The following KLF7 variants were observed in gnomAD, a reference collection of about 807,000 sequenced individuals.
KLF7 encodes Krueppel-like factor 7.
Under a neutral mutation model 27.3 loss-of-function variants are expected in KLF7, and 2 were observed. That is an observed-to-expected ratio of 0.07 (90% confidence interval 0.03 to 0.23). KLF7 has a LOEUF of 0.23. KLF7 is among the 10% of genes least tolerant of loss of function. The probability of loss-of-function intolerance (pLI) is 1.00; values close to 1 mark genes in which losing one functional copy is unlikely to be tolerated. For synonymous variants in KLF7, 165 were observed against 162.4 expected (o/e 1.02, Z -0.12); for missense variants, 221 against 394.1 (o/e 0.56, Z 3.72).
intron 2 of KLF7, among the ~76,000 whole-genome samples, chr2:207,100,258 G>T (rs954800202): frequency 6.6e-6 from 1 of 152,168 alleles, no homozygotes; most frequent in South Asian, 2.1e-4. Context: ...CTTTTTAGAG[G>T]CAAATTTCAA....
chr2:207,146,534 T>G (rs1337416015), intron 1 of KLF7, among the ~76,000 whole-genome samples: 1 of 152,150 alleles, frequency 6.6e-6, no homozygotes, highest in Non-Finnish European at 1.5e-5. Flanking sequence ...CTCTGGAATA[T>G]TCCCTTCTCT....
rs184295338 is a variant in KLF7 at position 207,148,984 on chromosome 2, G to A, written c.102+16483C>T. 4.8e-3 allele frequency: 5,414 copies of A among 1,138,824 alleles called. 14 individuals carry two copies. The highest frequency in any genetic ancestry group is 5.6e-3 in the Non-Finnish European group (5,136 of 911,644). 70.5% of individuals were successfully genotyped at this position (1,138,824 alleles called of 1,614,324 possible). On this transcript the variant is annotated intron_variant, in intron 1 of 3. Coordinates refer to ENST00000309446, the MANE Select transcript of KLF7 (RefSeq NM_003709.4). The stretch of plus-strand genomic sequence containing the variant: ...TATATGATATACCCAGTCATTACCT[G>A]TGTCATCTACTGTCCTTCCTTTTGT...
intron 1 of KLF7, among the ~76,000 whole-genome samples, chr2:207,134,617 A>C (rs1490516149): frequency 6.6e-6 from 1 of 152,118 alleles, no homozygotes; most frequent in East Asian, 1.9e-4. Context: ...AGATACTTGG[A>C]CTTGATTTCC....
chr2:207,118,301 ATAG>A (rs1412125680), intron 2 of KLF7, among the ~76,000 whole-genome samples: 8 of 152,316 alleles, frequency 5.3e-5, no homozygotes, highest in African/African-American at 1.7e-4. Context: ...CAACCATAAA[ATAG>A]TAGCTTTATC....
At position 207,079,763 on chromosome 2, in the gene KLF7, A is replaced by G. The variant is rs2076237431; in HGVS notation, c.*1450T>C. On this transcript the variant is annotated 3_prime_UTR_variant, in exon 4 of 4. Coordinates refer to ENST00000309446, the MANE Select transcript of KLF7 (RefSeq NM_003709.4). ...GGTGGGCCTAGCCAAAAAAAAAAGG[A>G]AAGAAAGAAACGTGTCTCTCCTTTT... 1 of 152,216 alleles carries G rather than the reference A, an allele frequency of 6.6e-6. No individual in the cohort carries two copies. Among genetic ancestry groups the G allele is most frequent in the East Asian group, 1.9e-4 (1 of 5,178 alleles). 9.4% of individuals were successfully genotyped at this position (152,216 alleles called of 1,614,324 possible).
chr2:207,153,244 A>G (rs1160324020), intron 1 of KLF7, among the ~76,000 whole-genome samples: 1 of 152,230 alleles, frequency 6.6e-6, no homozygotes, highest in African/African-American at 2.4e-5. Flanking sequence ...TGGTTCAGGT[A>G]TACTCAGTTC....
intron 1 of KLF7, among the ~76,000 whole-genome samples, chr2:207,127,732 A>G (rs1426557425): frequency 2.0e-5 from 3 of 151,880 alleles, no homozygotes; most frequent in African/African-American, 7.3e-5. Flanking sequence ...AATCCCAGCT[A>G]CTCGGGAGGC....
At chr2:207,106,067 T>A (rs77626431) in intron 2 of KLF7, among the ~76,000 whole-genome samples, 1 of 152,222 alleles carries the variant, frequency 6.6e-6, no homozygotes, top group African/African-American at 2.4e-5. Flanking sequence ...AACTAATTAG[T>A]ATGATTAATT....
intron 1 of KLF7, among the ~76,000 whole-genome samples, chr2:207,164,707 TG>T (rs1359335464): frequency 6.6e-6 from 1 of 152,184 alleles, no homozygotes; most frequent in African/African-American, 2.4e-5. Flanking sequence ...GTCAAAGGCA[TG>T]GAAGCACACA....
chr2:207,166,895 G>A (rs2078729718), upstream of KLF7: 2 of 1,065,778 alleles, frequency 1.9e-6, no homozygotes, highest in East Asian at 4.6e-5. Flanking sequence ...ACCGCGGCCT[G>A]CGCCCGCCCC....
intron 2 of KLF7, among the ~76,000 whole-genome samples, chr2:207,112,704 T>C (rs917698543): frequency 1.9e-4 from 29 of 152,228 alleles, no homozygotes; most frequent in African/African-American, 6.8e-4. Flanking sequence ...ACTTCACTTC[T>C]AAAGAATCTT....
intron 3 of KLF7, 115 bp downstream of exon 3, chr2:207,088,343 G>T: frequency 8.0e-7 from 1 of 1,254,740 alleles, no homozygotes. Context: ...GCATTCCCAG[G>T]TCCAAGTGTC....
At chr2:207,166,764 C>T (rs988190158), upstream of KLF7, 161 of 986,338 alleles carry the variant, frequency 1.6e-4, no homozygotes, top group African/African-American at 2.6e-3. Flanking sequence ...TACTCAAAAA[C>T]AAGCAGAAAA....
In KLF7 at chr2:207,127,842, CA is replaced by C. The variant is rs796567957; in HGVS notation, c.103-3439del. Among the ~76,000 whole-genome samples, 787 of 143,276 alleles carry C rather than the reference CA, an allele frequency of 5.5e-3. 6 individuals are homozygous for C. The highest frequency in any genetic ancestry group is 0.019 in the African/African-American group (727 of 39,240). The allele number at this position is 143,276 out of a possible 152,430, so 94.0% of individuals were successfully genotyped here. The stretch of plus-strand genomic sequence containing the variant: ...TGGGTGACAGAGCAAGATTCTGTGT[CA>C]AAAAAAAAAATCCCTATGATGTTTG... On this transcript the variant is annotated intron_variant, in intron 1 of 3. Transcript: ENST00000309446.
chr2:207,075,583 A>C lies in KLF7; in HGVS notation c.*5630T>G, dbSNP rs1003431427. The stretch of plus-strand genomic sequence containing the variant: ...AGTGCAAAAATAAATTTATTCAAGC[A>C]ACTGTTAAGAGGATAATAGAGATTT... On this transcript the variant is annotated 3_prime_UTR_variant, in exon 4 of 4. Coordinates refer to ENST00000309446, the MANE Select transcript of KLF7 (RefSeq NM_003709.4). 2.0e-5 allele frequency: 3 copies of C among 152,046 alleles called. No individual in the cohort carries two copies. Among genetic ancestry groups the C allele is most frequent in the Non-Finnish European group, 4.4e-5 (3 of 68,018 alleles). The allele number at this position is 152,046 out of a possible 1,614,324, so 9.4% of individuals were successfully genotyped here.
intron 2 of KLF7, among the ~76,000 whole-genome samples, chr2:207,116,626 CATATT>C (rs1259134607): frequency 6.6e-6 from 1 of 151,782 alleles, no homozygotes; most frequent in Non-Finnish European, 1.5e-5. Context: ...AATTAACACT[CATATT>C]ATAATAGAAA....
chr2:207,084,328 G>C (rs906595985), intron 3 of KLF7, among the ~76,000 whole-genome samples: 11 of 152,088 alleles, frequency 7.2e-5, no homozygotes, highest in Admixed American at 5.2e-4. Context: ...AACTTTATTT[G>C]AAAGAACCAT....
At chr2:207,099,551 G>GATATAT (rs59383415) in intron 2 of KLF7, among the ~76,000 whole-genome samples, 752 of 57,554 alleles carry the variant, frequency 0.013, 60 homozygotes, top group Admixed American at 0.015. Flanking sequence ...CTACATATGC[G>GATATAT]ATATATATAT....
At chr2:207,144,908 T>C (rs1320766509) in intron 1 of KLF7, among the ~76,000 whole-genome samples, 2 of 152,222 alleles carry the variant, frequency 1.3e-5, no homozygotes. Flanking sequence ...ATTCAATCCA[T>C]TTGCTGTTAA....
Sources: allele counts gnomAD v4.1 joint callset (sites outside exome capture counted in the v4.1 genomes callset), GRCh38; gene constraint gnomAD v4.1.1; transcripts MANE v1.5; gene names NCBI Gene and HGNC (gene_info 2026-07-23, HGNC 2026-07-21).